GPR158: variants seen among roughly 807,000 people sequenced by gnomAD.
The protein encoded by GPR158 is G protein-coupled receptor 158, also known as metabotropic glycine receptor.
A neutral mutation model predicts 78.2 loss-of-function variants in GPR158; 30 were observed. The observed-to-expected ratio is 0.38, with a 90% CI of 0.29 to 0.52. The LOEUF (loss-of-function observed/expected upper bound fraction) is 0.52. GPR158 is among the 20% of genes least tolerant of loss of function. GPR158 has a pLI of 0.83. For synonymous variants in GPR158, 581 were observed against 591.1 expected (o/e 0.98, Z 0.25); for missense variants, 1,463 against 1,523.5 (o/e 0.96, Z 0.66).
chr10:25,302,984 A>G (rs1297547329), intron 2 of GPR158, among the ~76,000 whole-genome samples: 4 of 152,200 alleles, frequency 2.6e-5, no homozygotes, highest in African/African-American at 9.7e-5. Flanking sequence ...TGGTAGATGA[A>G]TAGAATGCAG....
At position 25,347,866 on chromosome 10, in the gene GPR158, ATC is replaced by A. The variant is rs111227766; in HGVS notation, c.1009-48043_1009-48042del. ...TGAATTACCTGATCACAGCCATACAATCTGTTAGAGATCATGCCAGTGTAAGA... is the reference window on the plus strand; with the variant it reads ...TGAATTACCTGATCACAGCCATACAATGTTAGAGATCATGCCAGTGTAAGA... On this transcript the variant is annotated intron_variant, in intron 2 of 10. Coordinates refer to ENST00000376351, the MANE Select transcript of GPR158 (RefSeq NM_020752.3). Among the ~76,000 whole-genome samples, 959 of 151,970 alleles carry A rather than the reference ATC, an allele frequency of 6.3e-3. 10 individuals carry two copies. Among genetic ancestry groups the A allele is most frequent in the African/African-American group, 0.022 (903 of 41,460 alleles).
intron 6 of GPR158, among the ~76,000 whole-genome samples, chr10:25,555,034 AAAG>A (rs777527803): frequency 1.3e-5 from 2 of 152,060 alleles, no homozygotes; most frequent in African/African-American, 4.8e-5. Context: ...AAAGAAGAGA[AAAG>A]AAGGAAGGAA....
At chr10:25,521,339 C>T (rs1836269896) in intron 5 of GPR158, among the ~76,000 whole-genome samples, 1 of 152,210 alleles carries the variant, frequency 6.6e-6, no homozygotes, top group Admixed American at 6.5e-5. Flanking sequence ...GTCGCTCACG[C>T]TGGGAGCTGT....
chr10:25,275,439 C>T (rs1012175709), intron 2 of GPR158, among the ~76,000 whole-genome samples: 9 of 152,268 alleles, frequency 5.9e-5, no homozygotes, highest in Admixed American at 2.0e-4. Flanking sequence ...TTGTTCTCTC[C>T]GTTAGCCCCT....
At chr10:25,280,416 T>TAG (rs775849033) in intron 2 of GPR158, among the ~76,000 whole-genome samples, 1 of 152,188 alleles carries the variant, frequency 6.6e-6, no homozygotes, top group Non-Finnish European at 1.5e-5. Flanking sequence ...CACTAAGGAA[T>TAG]AGATAACAAT....
intron 5 of GPR158, among the ~76,000 whole-genome samples, chr10:25,476,933 G>C (rs1362306712): frequency 6.6e-6 from 1 of 152,052 alleles, no homozygotes; most frequent in Non-Finnish European, 1.5e-5. Flanking sequence ...AGCTTGGATG[G>C]ACCATGTTAT....
At position 25,601,956 on chromosome 10, in the gene GPR158, G is replaced by T. The variant is rs943143206; in HGVS notation, c.*2682G>T. 1 of 152,490 alleles carries T rather than the reference G, an allele frequency of 6.6e-6. No homozygotes were observed. Among genetic ancestry groups the T allele is most frequent in the Non-Finnish European group, 1.5e-5 (1 of 68,012 alleles). 9.4% of individuals were successfully genotyped at this position (152,490 alleles called of 1,614,324 possible). A position where few individuals can be genotyped will look rare whatever the true frequency, so the allele number is the denominator to read the frequency against. Reference sequence around the variant, plus strand: ...TGGTGGCAATATGGATTTGAAACTCGACAGTTCTCTTGTATTTGCTTCCTA... The same window carrying T: ...TGGTGGCAATATGGATTTGAAACTCTACAGTTCTCTTGTATTTGCTTCCTA... On this transcript the variant is annotated 3_prime_UTR_variant, in exon 11 of 11. Transcript: ENST00000376351.
At chr10:25,215,413 T>C (rs542444146) in intron 1 of GPR158, among the ~76,000 whole-genome samples, 1 of 152,266 alleles carries the variant, frequency 6.6e-6, no homozygotes, top group East Asian at 1.9e-4. Context: ...AGAGTTTCAG[T>C]TTTGCAAGAC....
chr10:25,287,585 A>G (rs528044684), intron 2 of GPR158, among the ~76,000 whole-genome samples: 1 of 152,182 alleles, frequency 6.6e-6, no homozygotes, highest in Admixed American at 6.5e-5. Context: ...CTAACATTTT[A>G]TATTCTTGAC....
chr10:25,425,578 T>C (rs1263933190), intron 4 of GPR158, among the ~76,000 whole-genome samples: 1 of 151,626 alleles, frequency 6.6e-6, no homozygotes, highest in Non-Finnish European at 1.5e-5. Context: ...AAAGCTCCTG[T>C]AGAGCAAAAG....
chr10:25,342,246 T>C (rs1855313322), intron 2 of GPR158, among the ~76,000 whole-genome samples: 1 of 26,250 alleles, frequency 3.8e-5, no homozygotes, highest in African/African-American at 7.4e-5. Flanking sequence ...AACTGTTTTA[T>C]TTTTTTTTTA....
rs117425736 is a variant in GPR158 at position 25,589,569 on chromosome 10, A to T, written c.1892+424A>T. On this transcript the variant is annotated intron_variant, in intron 8 of 10. Transcript: ENST00000376351. ...CAAAATCTCAATAGACATATAGACAACTTGTATGTATGAATTCTGTGGAAT... is the reference window on the plus strand; with the variant it reads ...CAAAATCTCAATAGACATATAGACATCTTGTATGTATGAATTCTGTGGAAT... Among the ~76,000 whole-genome samples, 41 of 152,352 alleles carry T rather than the reference A, an allele frequency of 2.7e-4. No homozygotes were observed. In the East Asian group the frequency reaches 7.7e-3, roughly 29 times the overall value.
At chr10:25,577,322 T>C (rs1837116020) in intron 7 of GPR158, among the ~76,000 whole-genome samples, 1 of 152,060 alleles carries the variant, frequency 6.6e-6, no homozygotes. Flanking sequence ...AATGTTCCCA[T>C]ATAGGAAGGG....
At chr10:25,590,939 A>G (rs1837332454) in intron 8 of GPR158, among the ~76,000 whole-genome samples, 1 of 152,122 alleles carries the variant, frequency 6.6e-6, no homozygotes, top group East Asian at 1.9e-4. Flanking sequence ...TCATTTCTCA[A>G]TATATGTCAA....
chr10:25,432,951 C>A (rs991101600), intron 4 of GPR158, among the ~76,000 whole-genome samples: 3 of 152,152 alleles, frequency 2.0e-5, no homozygotes, highest in Non-Finnish European at 4.4e-5. Context: ...AGACTGTGAT[C>A]ACAATGAAAC....
chr10:25,281,835 A>G (rs1437311814), intron 2 of GPR158, among the ~76,000 whole-genome samples: 2 of 152,194 alleles, frequency 1.3e-5, no homozygotes, highest in Non-Finnish European at 2.9e-5. Context: ...TTAGATTTAA[A>G]AATCATAATT....
chr10:25,398,145 C>T (rs1303631182), intron 3 of GPR158, among the ~76,000 whole-genome samples: 2 of 152,172 alleles, frequency 1.3e-5, no homozygotes, highest in Admixed American at 1.3e-4. Context: ...TAGCCAAAAC[C>T]TTGATTTCAG....
chr10:25,261,742 T>C (rs111521798), intron 2 of GPR158, among the ~76,000 whole-genome samples: 3,007 of 152,294 alleles, frequency 0.02, 84 homozygotes, highest in South Asian at 0.057. Context: ...TAAAATGATC[T>C]ACGCTTTTAA....
At chr10:25,536,602 T>C (rs1346309069) in intron 5 of GPR158, among the ~76,000 whole-genome samples, 1 of 152,226 alleles carries the variant, frequency 6.6e-6, no homozygotes, top group African/African-American at 2.4e-5. Flanking sequence ...TGTTTCTGCA[T>C]TTGTCCATTT....
Sources: gnomAD v4.1 joint callset for allele counts (sites outside exome capture counted in the v4.1 genomes callset) on GRCh38, gnomAD v4.1.1 for gene constraint, MANE v1.5 for transcripts, NCBI Gene and HGNC (gene_info 2026-07-23, HGNC 2026-07-21) for gene names.